Variants in MCUR1 observed in about 807,000 individuals in gnomAD.
MCUR1 encodes MCU regulator 1.
A neutral mutation model predicts 42.0 loss-of-function variants in MCUR1; 37 were observed. The observed-to-expected ratio is 0.88, with a 90% confidence interval of 0.68 to 1.16. MCUR1 has a LOEUF of 1.16. Among genes scored for constraint, MCUR1 ranks in the 50% most tolerant of loss-of-function variants. The probability of loss-of-function intolerance (pLI) is 0.00; values close to 1 mark genes in which losing one functional copy is unlikely to be tolerated. For synonymous variants in MCUR1, 229 were observed against 196.2 expected (o/e 1.17, Z -1.40); for missense variants, 469 against 468.4 (o/e 1.00, Z -0.01).
chr6:13,804,790 CAAAAAAAAAAAAAA>C (rs971958696), intron 2 of MCUR1, among the ~76,000 whole-genome samples: 2 of 50,456 alleles, frequency 4.0e-5, no homozygotes, highest in Admixed American at 2.4e-4. Context: ...ACTCTGTCTC[CAAAAAAAAAAAAAA>C]AAAAAAAAAA....
rs1379625376 is a variant in MCUR1, at chr6:13,814,306, GGCAGCGGC to G, written c.116_123del (p.Arg39ProfsTer197). 1 of 1,505,078 alleles carries G rather than the reference GGCAGCGGC, an allele frequency of 6.6e-7. No homozygotes were observed. Among genetic ancestry groups the G allele is most frequent in the Non-Finnish European group, 8.8e-7 (1 of 1,133,214 alleles). The allele number at this position is 1,505,078 out of a possible 1,614,324, so 93.2% of individuals were successfully genotyped here. On this transcript the variant is annotated frameshift_variant, in exon 1 of 9. Coordinates refer to ENST00000379170, the MANE Select transcript of MCUR1 (RefSeq NM_001031713.4). LOFTEE classifies it high-confidence loss of function. ...CCCAGACCGTCGGAGAGCGCAGAGAGGCAGCGGCGTGCTGAGGTTTCGCTGCCGCCCGG... is the reference window on the plus strand; with the variant it reads ...CCCAGACCGTCGGAGAGCGCAGAGAGGTGCTGAGGTTTCGCTGCCGCCCGG...
intron 1 of MCUR1, among the ~76,000 whole-genome samples, chr6:13,809,861 AC>A: frequency 6.6e-6 from 1 of 151,964 alleles, no homozygotes; most frequent in South Asian, 2.1e-4. Flanking sequence ...CTATGATTGC[AC>A]CACTGCACTC....
chr6:13,791,169 A>C (rs1759722047), intron 8 of MCUR1, among the ~76,000 whole-genome samples: 3 of 152,220 alleles, frequency 2.0e-5, no homozygotes, highest in Non-Finnish European at 4.4e-5. Flanking sequence ...CCTCCCAAGA[A>C]GCTGAAGCTA....
intron 1 of MCUR1, among the ~76,000 whole-genome samples, 188 bp downstream of exon 1, chr6:13,813,827 C>G (rs1385800498): frequency 6.6e-6 from 1 of 152,210 alleles, no homozygotes; most frequent in African/African-American, 2.4e-5. Flanking sequence ...CTGGGCTAAG[C>G]CCCGCCACCG....
intron 1 of MCUR1, among the ~76,000 whole-genome samples, chr6:13,807,664 C>A (rs1760139671): frequency 6.6e-6 from 1 of 152,178 alleles, no homozygotes; most frequent in African/African-American, 2.4e-5. Flanking sequence ...ATTGCTGGAT[C>A]ATATGATAAC....
Position 13,787,027 on chromosome 6 carries a change from T to G in MCUR1, c.*3782A>C, listed in dbSNP as rs1304520248. ...CATTAAAATCAAAGTTTTCTAGATA[T>G]GAATTCTATATACCATCTCTATATT... On this transcript the variant is annotated 3_prime_UTR_variant, in exon 9 of 9. Coordinates refer to ENST00000379170, the MANE Select transcript of MCUR1 (RefSeq NM_001031713.4). The G allele has an allele frequency of 6.6e-6, 1 of 152,224 alleles. No individual in the cohort carries two copies. The highest frequency in any genetic ancestry group is 1.5e-5 in the Non-Finnish European group (1 of 68,044). 9.4% of individuals were successfully genotyped at this position (152,224 alleles called of 1,614,324 possible).
intron 6 of MCUR1, among the ~76,000 whole-genome samples, chr6:13,795,136 G>GA (rs1006102495): frequency 1.4e-4 from 21 of 146,054 alleles, no homozygotes; most frequent in Non-Finnish European, 2.1e-4. Flanking sequence ...AAAAAAAAAA[G>GA]AAAAAAAAGA....
In MCUR1 at chr6:13,787,479, A is replaced by G. The variant is rs890259885; in HGVS notation, c.*3330T>C. ...TTTCCAGTAAAGAACCGTACACACAAGCAGGTTTTGCTTATTAATGTAGCA... is the reference window on the plus strand; with the variant it reads ...TTTCCAGTAAAGAACCGTACACACAGGCAGGTTTTGCTTATTAATGTAGCA... On this transcript the variant is annotated 3_prime_UTR_variant, in exon 9 of 9. Transcript: ENST00000379170. 1.3e-5 allele frequency: 2 copies of G among 152,224 alleles called. No homozygotes were observed. The highest frequency in any genetic ancestry group is 1.3e-4 in the Admixed American group (2 of 15,278). The allele number at this position is 152,224 out of a possible 1,614,324, so 9.4% of individuals were successfully genotyped here.
At position 13,786,993 on chromosome 6, in the gene MCUR1, A is replaced by T. The variant is rs1187188069; in HGVS notation, c.*3816T>A. ...TGCCAAAAAAGCCAGAACAAATTTG[A>T]TAAGCTCACATTAAAATCAAAGTTT... On this transcript the variant is annotated 3_prime_UTR_variant, in exon 9 of 9. Transcript: ENST00000379170. 6.6e-6 allele frequency: 1 copy of T among 152,260 alleles called. No homozygotes were observed. The highest frequency in any genetic ancestry group is 2.1e-4 in the South Asian group (1 of 4,834). 9.4% of individuals were successfully genotyped at this position (152,260 alleles called of 1,614,324 possible). A position where few individuals can be genotyped will look rare whatever the true frequency, so the allele number is the denominator to read the frequency against.
Position 13,787,383 on chromosome 6 carries a change from AT to A in MCUR1, c.*3425del, listed in dbSNP as rs1759626987. The stretch of plus-strand genomic sequence containing the variant: ...TAACGGAAAAAGCGAGTACATTCAG[AT>A]TTAGTTTTGCTAGATATTAAACTAG... On this transcript the variant is annotated 3_prime_UTR_variant, in exon 9 of 9. Coordinates refer to ENST00000379170, the MANE Select transcript of MCUR1 (RefSeq NM_001031713.4). 6.6e-6 allele frequency: 1 copy of A among 152,202 alleles called. No homozygotes were observed. Among genetic ancestry groups the A allele is most frequent in the Non-Finnish European group, 1.5e-5 (1 of 68,046 alleles). The allele number at this position is 152,202 out of a possible 1,614,324, so 9.4% of individuals were successfully genotyped here.
At chr6:13,806,200 C>T (rs1350807061) in intron 2 of MCUR1, among the ~76,000 whole-genome samples, 1 of 151,524 alleles carries the variant, frequency 6.6e-6, no homozygotes. Flanking sequence ...TGCAGTGAGC[C>T]GAGATCGCGC....
intron 6 of MCUR1, among the ~76,000 whole-genome samples, chr6:13,796,245 A>C (rs1759851291): frequency 6.6e-6 from 1 of 152,028 alleles, no homozygotes; most frequent in Non-Finnish European, 1.5e-5. Context: ...ATAATTTAAA[A>C]ATATGAGTAT....
In MCUR1 at chr6:13,798,880, CTG is replaced by C. The variant is rs757744637; in HGVS notation, c.806_807del (p.Thr269ArgfsTer52). 3.1e-6 allele frequency: 5 copies of C among 1,610,090 alleles called. No individual in the cohort carries two copies. Among genetic ancestry groups the C allele is most frequent in the Non-Finnish European group, 4.2e-6 (5 of 1,176,912 alleles). ...TCTAGGTTGAAGTCTAATTTGGTAT[CTG>C]TTCGGACTTTGATCACTTCATCCTA... ...QVMDEVIKVR[T>X]DTKLDFNLEK... is the part of the protein sequence containing the mutation. On this transcript the variant is annotated frameshift_variant, in exon 6 of 9. Coordinates refer to ENST00000379170, the MANE Select transcript of MCUR1 (RefSeq NM_001031713.4). LOFTEE classifies it high-confidence loss of function.
In MCUR1 at chr6:13,799,478, C is replaced by T. The variant is rs188502453; in HGVS notation, c.784-574G>A. ...GAGTACTGGCGTGAGCCATCGCGCC[C>T]GGCCTGTTGCTGCTTTTAACCTCAA... On this transcript the variant is annotated intron_variant, in intron 5 of 8. Coordinates refer to ENST00000379170, the MANE Select transcript of MCUR1 (RefSeq NM_001031713.4). 5.9e-5 allele frequency among the ~76,000 whole-genome samples: 9 copies of T among 152,154 alleles called. No individual in the cohort carries two copies. The South Asian group carries it at 1.0e-3, about 18-fold the overall frequency.
In MCUR1 at chr6:13,814,377, T is replaced by C. The variant is rs771652392; in HGVS notation, c.53A>G (p.Gln18Arg). The C allele has an allele frequency of 3.3e-5, 50 of 1,530,872 alleles. No homozygotes were observed. The Middle Eastern group carries it at 8.7e-4, about 27-fold the overall frequency. 94.8% of individuals were successfully genotyped at this position (1,530,872 alleles called of 1,614,324 possible). ...GCCCACGGGCAAGAAGAGAAGCCGCTGGCGGCCGGGCAGGCGCTGGGTCCT... is the reference window on the plus strand; with the variant it reads ...GCCCACGGGCAAGAAGAGAAGCCGCCGGCGGCCGGGCAGGCGCTGGGTCCT... ...GQRTQRLPGR[Q>R]RLLFLPVGLS... The change falls in exon 1 of 9, where the codon CAG becomes CGG. Residue 18 changes from glutamine to arginine, a missense_variant. Gln to Arg is a conservative substitution (Grantham distance 43). Transcript: ENST00000379170.
At chr6:13,791,680 T>C (rs923752558) in intron 8 of MCUR1, among the ~76,000 whole-genome samples, 198 bp downstream of exon 8, 1 of 152,220 alleles carries the variant, frequency 6.6e-6, no homozygotes, top group Non-Finnish European at 1.5e-5. Context: ...AATTACTTTA[T>C]TTACTACTAA....
intron 6 of MCUR1, among the ~76,000 whole-genome samples, chr6:13,798,245 G>A (rs1345808405): frequency 9.3e-5 from 14 of 151,098 alleles, no homozygotes; most frequent in African/African-American, 1.9e-4. Flanking sequence ...ACAGGTGCCC[G>A]CCACCATGCC....
chr6:13,807,292 A>C (rs1054336500), intron 1 of MCUR1, among the ~76,000 whole-genome samples: 13 of 152,156 alleles, frequency 8.5e-5, no homozygotes, highest in African/African-American at 3.1e-4. Flanking sequence ...CTTAGCTGTC[A>C]CCTTCCAATT....
At chr6:13,804,543 G>A (rs1760073098) in intron 2 of MCUR1, among the ~76,000 whole-genome samples, 1 of 151,504 alleles carries the variant, frequency 6.6e-6, no homozygotes, top group Non-Finnish European at 1.5e-5. Context: ...GGGAGGCCGA[G>A]GCGGGCGGAT....
Sources: allele counts gnomAD v4.1 joint callset (sites outside exome capture counted in the v4.1 genomes callset), GRCh38; gene constraint gnomAD v4.1.1; transcripts MANE v1.5; gene names NCBI Gene and HGNC (gene_info 2026-07-23, HGNC 2026-07-21).